Variants in ST8SIA1 observed in about 807,000 individuals in gnomAD.
ST8SIA1 encodes alpha-N-acetylneuraminide alpha-2,8-sialyltransferase.
Under a neutral mutation model 35.9 loss-of-function variants are expected in ST8SIA1, and 16 were observed. That is an observed-to-expected ratio of 0.45 (90% CI 0.30 to 0.68). ST8SIA1 has a LOEUF of 0.68. ST8SIA1 is among the 30% of genes least tolerant of loss of function. The pLI is 0.09. For missense variants in ST8SIA1, 383 were observed against 453.6 expected (o/e 0.84, Z 1.41); for synonymous variants, 170 against 169.6 (o/e 1.00, Z -0.02).
Position 22,331,510 on chromosome 12 carries a change from G to A in ST8SIA1, c.236+2487C>T, listed in dbSNP as rs542237867. On this transcript the variant is annotated intron_variant, in intron 1 of 4. Transcript: ENST00000396037. ...ATAAGTGCACCTTGTGCATTTGTGT[G>A]CATATATCTGTATTTATGCAGAAGA... 4.5e-4 allele frequency among the ~76,000 whole-genome samples: 68 copies of A among 152,314 alleles called. No individual in the cohort carries two copies. In the South Asian group the frequency reaches 0.014, roughly 32 times the overall value.
At position 22,237,322 on chromosome 12, in the gene ST8SIA1, C is replaced by A. The variant is rs1865486425; in HGVS notation, c.584+11684G>T. Among the ~76,000 whole-genome samples the A allele has an allele frequency of 2.6e-5, 4 of 152,140 alleles. No homozygotes were observed. The South Asian group carries it at 8.3e-4, about 32-fold the overall frequency. ...ATATGGCCCAGGCTGGTCTCAAACC[C>A]CTGGCCTCAAGCAGTCCTCCCACCT... On this transcript the variant is annotated intron_variant, in intron 4 of 4. Transcript: ENST00000396037.
chr12:22,286,272 G>A (rs1396188184), intron 2 of ST8SIA1, among the ~76,000 whole-genome samples: 1 of 152,188 alleles, frequency 6.6e-6, no homozygotes, highest in Admixed American at 6.5e-5. Flanking sequence ...GTTTTATAGA[G>A]AGTGTGACTT....
At chr12:22,304,746 A>G (rs558546847) in intron 1 of ST8SIA1, among the ~76,000 whole-genome samples, 19 of 152,394 alleles carry the variant, frequency 1.2e-4, no homozygotes, top group African/African-American at 4.6e-4. Context: ...GTCTAGCCTC[A>G]TAATAATTCT....
intron 4 of ST8SIA1, among the ~76,000 whole-genome samples, chr12:22,203,098 G>A (rs1205652881): frequency 6.6e-6 from 1 of 152,068 alleles, no homozygotes; most frequent in Non-Finnish European, 1.5e-5. Flanking sequence ...GTAAAAAAAA[G>A]GTACTCTAAT....
At chr12:22,267,280 C>T (rs1357886952) in intron 2 of ST8SIA1, among the ~76,000 whole-genome samples, 1 of 152,164 alleles carries the variant, frequency 6.6e-6, no homozygotes, top group African/African-American at 2.4e-5. Flanking sequence ...ACTGACTAGG[C>T]ACCTGAACTA....
chr12:22,301,166 A>T (rs1218028068), intron 1 of ST8SIA1, among the ~76,000 whole-genome samples: 1 of 151,964 alleles, frequency 6.6e-6, no homozygotes, highest in Non-Finnish European at 1.5e-5. Context: ...TCTTGTTTTG[A>T]TCCTCCTTAG....
At chr12:22,288,627 G>A (rs1436441404) in intron 1 of ST8SIA1, among the ~76,000 whole-genome samples, 1 of 152,134 alleles carries the variant, frequency 6.6e-6, no homozygotes, top group South Asian at 2.1e-4. Flanking sequence ...TGAGATCTTC[G>A]TTGGCTTTGC....
chr12:22,214,698 G>C (rs1416485616), intron 4 of ST8SIA1, among the ~76,000 whole-genome samples: 4 of 152,008 alleles, frequency 2.6e-5, no homozygotes, highest in Non-Finnish European at 5.9e-5. Flanking sequence ...AGGGCCTCTT[G>C]TTTATTTATG....
At chr12:22,296,457 C>T (rs975861231) in intron 1 of ST8SIA1, among the ~76,000 whole-genome samples, 4 of 152,150 alleles carry the variant, frequency 2.6e-5, no homozygotes, top group Non-Finnish European at 5.9e-5. Flanking sequence ...TAACCAGCCC[C>T]GTCAAGCCCA....
intron 2 of ST8SIA1, among the ~76,000 whole-genome samples, chr12:22,284,846 G>A (rs929540681): frequency 2.0e-5 from 3 of 152,126 alleles, no homozygotes; most frequent in Non-Finnish European, 4.4e-5. Context: ...TAGGAGGCTA[G>A]TTTATATTTC....
chr12:22,309,182 T>G (rs1591852466), intron 1 of ST8SIA1, among the ~76,000 whole-genome samples: 1 of 152,154 alleles, frequency 6.6e-6, no homozygotes, highest in East Asian at 1.9e-4. Flanking sequence ...TTCTTGGCCA[T>G]GACGAGGGAT....
intron 4 of ST8SIA1, among the ~76,000 whole-genome samples, chr12:22,210,493 C>T (rs1865165204): frequency 6.6e-6 from 1 of 152,114 alleles, no homozygotes; most frequent in Non-Finnish European, 1.5e-5. Flanking sequence ...AGTTTTACAG[C>T]AGACACCAGC....
chr12:22,254,260 G>A (rs745422056), intron 3 of ST8SIA1, among the ~76,000 whole-genome samples: 2 of 151,808 alleles, frequency 1.3e-5, no homozygotes, highest in African/African-American at 4.8e-5. Context: ...ACTCATCCCC[G>A]AGATACCCTG....
chr12:22,223,459 A>G, intron 4 of ST8SIA1: 3 of 968,850 alleles, frequency 3.1e-6, no homozygotes, highest in South Asian at 8.9e-5. Flanking sequence ...TGCCTTTCTC[A>G]GACTTCTTTA....
At chr12:22,325,941 A>G (rs1235705036) in intron 1 of ST8SIA1, 1 of 680,688 alleles carries the variant, frequency 1.5e-6, no homozygotes, top group African/African-American at 1.8e-5. Context: ...CGCTGAACAA[A>G]GGGAAGATTC....
Position 22,201,828 on chromosome 12 carries a change from A to C in ST8SIA1, c.795T>G (p.Ser265Arg), listed in dbSNP as rs555820200. 6.2e-6 allele frequency: 10 copies of C among 1,614,142 alleles called. No homozygotes were observed. The East Asian group carries it at 2.2e-4, about 36-fold the overall frequency. Residue 265 changes from serine (S) to arginine (R), a missense_variant, in exon 5 of 5, where the codon AGT becomes AGG. Physicochemically the swap from Ser to Arg is moderately radical, Grantham distance 110. Transcript: ENST00000396037. ...FLRSIGKFWK[S>R]RGIHAKRLST... ...ACAGGCGCTTGGCATGGATTCCTCT[A>C]CTTTTCCAGAACTTTCCAATGCTAC...
chr12:22,211,485 A>C (rs371641828), intron 4 of ST8SIA1, among the ~76,000 whole-genome samples: 29 of 152,202 alleles, frequency 1.9e-4, no homozygotes, highest in African/African-American at 6.5e-4. Context: ...TACAAAATAC[A>C]TCACCTTGTG....
intron 4 of ST8SIA1, among the ~76,000 whole-genome samples, chr12:22,244,665 C>T (rs1865578888): frequency 1.3e-5 from 2 of 152,170 alleles, no homozygotes; most frequent in South Asian, 4.2e-4. Flanking sequence ...GCCATGTTGT[C>T]CGGACTGGTC....
chr12:22,319,172 G>T (rs1241655294), intron 1 of ST8SIA1, among the ~76,000 whole-genome samples: 2 of 152,192 alleles, frequency 1.3e-5, no homozygotes, highest in Non-Finnish European at 2.9e-5. Context: ...TGATAAGACT[G>T]TGTAGAGTGC....
Sources: allele counts gnomAD v4.1 joint callset (sites outside exome capture counted in the v4.1 genomes callset), GRCh38; gene constraint gnomAD v4.1.1; transcripts MANE v1.5; gene names NCBI Gene and HGNC (gene_info 2026-07-23, HGNC 2026-07-21).